The following TMEM108 variants were observed in gnomAD, a reference collection of about 807,000 sequenced individuals.
TMEM108 encodes cancer/testis antigen 124.
Under a neutral mutation model 35.1 loss-of-function variants are expected in TMEM108, and 12 were observed. The observed-to-expected ratio is 0.34, with a 90% CI of 0.22 to 0.55. The LOEUF (loss-of-function observed/expected upper bound fraction) is 0.55. Among genes scored for constraint, TMEM108 ranks in the 20% least tolerant of loss-of-function variants. The pLI, the probability that TMEM108 is intolerant of heterozygous loss-of-function variation, is 0.89. For synonymous variants in TMEM108, 287 were observed against 308.6 expected, an observed-to-expected ratio of 0.93 and a Z score of 0.73; for missense variants, 680 against 753.3, an observed-to-expected ratio of 0.90 and a Z score of 1.14.
At chr3:133,151,411 C>T (rs760625062) in intron 2 of TMEM108, among the ~76,000 whole-genome samples, 2 of 152,094 alleles carry the variant, frequency 1.3e-5, no homozygotes, top group African/African-American at 2.4e-5. Flanking sequence ...GAAGACTTTC[C>T]GAAGTCCACT....
chr3:133,299,522 A>G (rs573975441), intron 3 of TMEM108, among the ~76,000 whole-genome samples: 2 of 152,326 alleles, frequency 1.3e-5, no homozygotes, highest in East Asian at 3.9e-4. Context: ...TTTATATAGA[A>G]GATGACTTGG....
intron 3 of TMEM108, chr3:133,248,174 A>G (rs1280400622): frequency 6.6e-6 from 1 of 152,158 alleles, no homozygotes; most frequent in Non-Finnish European, 1.5e-5. Context: ...CTTAACCAAT[A>G]TAACAACCAA....
intron 2 of TMEM108, among the ~76,000 whole-genome samples, chr3:133,207,046 C>A (rs988796907): frequency 6.6e-6 from 1 of 152,122 alleles, no homozygotes; most frequent in Non-Finnish European, 1.5e-5. Context: ...AGAGGGTTTG[C>A]GGAGCTGTGG....
intron 3 of TMEM108, chr3:133,247,518 A>T (rs1021446407): frequency 3.9e-5 from 6 of 152,128 alleles, no homozygotes; most frequent in African/African-American, 1.4e-4. Flanking sequence ...GCCTTCCCAG[A>T]TGGGGAGCTT....
At chr3:133,213,585 G>T (rs889905001) in intron 2 of TMEM108, among the ~76,000 whole-genome samples, 2 of 152,302 alleles carry the variant, frequency 1.3e-5, no homozygotes, top group Middle Eastern at 3.4e-3. Flanking sequence ...TCTTTTCTTT[G>T]CAGTGAGTGA....
At chr3:133,206,525 C>T (rs931397773) in intron 2 of TMEM108, among the ~76,000 whole-genome samples, 1 of 152,066 alleles carries the variant, frequency 6.6e-6, no homozygotes, top group Non-Finnish European at 1.5e-5. Context: ...TATTCCTTTC[C>T]GTTTGTTAGT....
chr3:133,252,065 C>T (rs958332340), intron 3 of TMEM108, among the ~76,000 whole-genome samples: 2 of 152,096 alleles, frequency 1.3e-5, no homozygotes, highest in Non-Finnish European at 2.9e-5. Context: ...CTGTCACCAT[C>T]GATGTATCTG....
intron 2 of TMEM108, among the ~76,000 whole-genome samples, chr3:133,107,511 A>C (rs1318395173): frequency 6.6e-6 from 1 of 150,584 alleles, no homozygotes; most frequent in Non-Finnish European, 1.5e-5. Flanking sequence ...AAATGATTAC[A>C]TTTCAGCCAA....
intron 2 of TMEM108, among the ~76,000 whole-genome samples, chr3:133,189,455 C>T (rs1183695165): frequency 6.6e-6 from 1 of 152,148 alleles, no homozygotes; most frequent in Admixed American, 6.5e-5. Flanking sequence ...TCATCCATTA[C>T]ATTGGGAAAA....
At chr3:133,135,186 A>G (rs1020560920) in intron 2 of TMEM108, among the ~76,000 whole-genome samples, 3 of 147,580 alleles carry the variant, frequency 2.0e-5, no homozygotes, top group African/African-American at 7.5e-5. Context: ...TTTCTGCAGT[A>G]CGTACTTTAG....
At chr3:133,388,977 T>G (rs1033241020) in intron 4 of TMEM108, 1 of 985,524 alleles carries the variant, frequency 1.0e-6, no homozygotes, top group Non-Finnish European at 1.2e-6. Flanking sequence ...ACAGAGATGG[T>G]TGGCACCACC....
At chr3:133,305,878 G>A (rs1318675399) in intron 3 of TMEM108, among the ~76,000 whole-genome samples, 1 of 151,742 alleles carries the variant, frequency 6.6e-6, no homozygotes, top group Non-Finnish European at 1.5e-5. Context: ...CCATCCATAC[G>A]TCTTCTTTCG....
chr3:133,167,396 C>T (rs1278454346), intron 2 of TMEM108, among the ~76,000 whole-genome samples: 1 of 152,274 alleles, frequency 6.6e-6, no homozygotes, highest in African/African-American at 2.4e-5. Context: ...GCGCTGTGCG[C>T]CCGCACTCCT....
At position 133,251,329 on chromosome 3, in the gene TMEM108, A is replaced by G. The variant is rs181579040; in HGVS notation, c.40+21978A>G. ...TTCTCCAAATCAAATTGTTATGGAC[A>G]TTTATTAAGCACTTACTATAAAAGA... On this transcript the variant is annotated intron_variant, in intron 3 of 5. Transcript: ENST00000321871. Among the ~76,000 whole-genome samples the G allele has an allele frequency of 2.6e-5, 4 of 152,322 alleles. No homozygotes were observed. In the East Asian group the frequency reaches 7.7e-4, roughly 29 times the overall value.
At chr3:133,205,173 A>T in intron 2 of TMEM108, among the ~76,000 whole-genome samples, 2 of 146,732 alleles carry the variant, frequency 1.4e-5, no homozygotes. Context: ...ATCTTCCTCC[A>T]TCCCTTTATT....
At chr3:133,171,717 G>T (rs1945133261) in intron 2 of TMEM108, among the ~76,000 whole-genome samples, 10 of 152,158 alleles carry the variant, frequency 6.6e-5, no homozygotes, top group Admixed American at 6.5e-4. Context: ...ACTGCATGGG[G>T]CAGGAAGAAA....
intron 3 of TMEM108, among the ~76,000 whole-genome samples, chr3:133,245,585 TAC>T (rs1391487941): frequency 6.6e-6 from 1 of 152,208 alleles, no homozygotes; most frequent in Non-Finnish European, 1.5e-5. Flanking sequence ...GTTTATTGCC[TAC>T]AGTCAGTTAA....
Position 133,235,909 on chromosome 3 carries a change from G to A in TMEM108, c.40+6558G>A, listed in dbSNP as rs540942534. ...TTTTTAATAATGGAAGGTAAAGAGC[G>A]TCATCACAATCCCTGAAGACCATGC... On this transcript the variant is annotated intron_variant, in intron 3 of 5. Transcript: ENST00000321871. Among the ~76,000 whole-genome samples, 81 of 152,202 alleles carry A rather than the reference G, an allele frequency of 5.3e-4. No homozygotes were observed. The South Asian group carries it at 7.7e-3, about 14-fold the overall frequency.
chr3:133,316,932 C>A (rs1490296595), intron 3 of TMEM108, among the ~76,000 whole-genome samples: 1 of 152,198 alleles, frequency 6.6e-6, no homozygotes, highest in African/African-American at 2.4e-5. Context: ...CCAGGGAAGT[C>A]AAACTGTGGG....
Sources: gnomAD v4.1 joint callset for allele counts (sites outside exome capture counted in the v4.1 genomes callset) on GRCh38, gnomAD v4.1.1 for gene constraint, MANE v1.5 for transcripts, NCBI Gene and HGNC (gene_info 2026-07-23, HGNC 2026-07-21) for gene names.